PARP1: variants seen among roughly 807,000 people sequenced by gnomAD.
PARP1 encodes the protein poly [ADP-ribose] polymerase 1.
Under a neutral mutation model 118.7 loss-of-function variants are expected in PARP1, and 44 were observed. That is an observed-to-expected ratio of 0.37 (90% CI 0.29 to 0.48). The LOEUF (loss-of-function observed/expected upper bound fraction) is 0.48. Ranked by LOEUF, PARP1 falls within the 20% of genes least tolerant of loss-of-function variation. PARP1 has a pLI of 0.99. For missense variants in PARP1, 1,100 were observed against 1,272.4 expected (o/e 0.86, Z 2.06); for synonymous variants, 492 against 483.2 (o/e 1.02, Z -0.24).
chr1:226,403,608 C>CT (rs1376928389), intron 1 of PARP1, among the ~76,000 whole-genome samples: 3 of 152,218 alleles, frequency 2.0e-5, no homozygotes, highest in African/African-American at 4.8e-5. Context: ...GGAACCAGCC[C>CT]TTTCATTCAC....
At chr1:226,400,600 C>T (rs958801556) in intron 2 of PARP1, among the ~76,000 whole-genome samples, 1 of 152,218 alleles carries the variant, frequency 6.6e-6, no homozygotes, top group Non-Finnish European at 1.5e-5. Flanking sequence ...GGCATACCCA[C>T]CCTGTAGTGA....
chr1:226,407,513 A>C (rs549899986), intron 1 of PARP1, among the ~76,000 whole-genome samples: 70 of 152,286 alleles, frequency 4.6e-4, no homozygotes, highest in African/African-American at 1.5e-3. Flanking sequence ...AACGGCAGTA[A>C]TAAAACACCG....
rs1028945092 is a variant in PARP1, at chr1:226,388,583, A to G, written c.717+73T>C. On this transcript the variant is annotated intron_variant, in intron 5 of 22. Transcript: ENST00000366794. Reference sequence around the variant, plus strand: ...TAATAAGTGGGACACAACTCCTTGAATTGTCTTCCCAGAATGAGAAAGAGA... The same window carrying G: ...TAATAAGTGGGACACAACTCCTTGAGTTGTCTTCCCAGAATGAGAAAGAGA... 1.7e-5 allele frequency: 18 copies of G among 1,069,968 alleles called. No individual in the cohort carries two copies. In the African/African-American group the frequency reaches 2.6e-4, roughly 16 times the overall value. 66.3% of individuals were successfully genotyped at this position (1,069,968 alleles called of 1,614,324 possible).
intron 14 of PARP1, 33 bp downstream of exon 14, chr1:226,374,193 A>G (rs778314894): frequency 3.7e-6 from 6 of 1,611,956 alleles, no homozygotes; most frequent in Non-Finnish European, 5.1e-6. Flanking sequence ...TCCACAGCAA[A>G]TGCTCACAGA....
chr1:226,384,285 A>G (rs1044772942), intron 7 of PARP1, among the ~76,000 whole-genome samples: 1 of 152,150 alleles, frequency 6.6e-6, no homozygotes. Context: ...TGTGAGAAGG[A>G]AGAAAAGGGT....
intron 7 of PARP1, among the ~76,000 whole-genome samples, chr1:226,384,861 G>A (rs970954023): frequency 6.6e-6 from 1 of 152,216 alleles, no homozygotes; most frequent in South Asian, 2.1e-4. Context: ...GCAACAGCGA[G>A]GGAAGCAGCT....
At chr1:226,376,195 C>A (rs1445481655) in intron 13 of PARP1, among the ~76,000 whole-genome samples, 8 of 152,188 alleles carry the variant, frequency 5.3e-5, no homozygotes, top group African/African-American at 1.7e-4. Flanking sequence ...GAATTAAAAT[C>A]TCTACCCACC....
intron 15 of PARP1, among the ~76,000 whole-genome samples, chr1:226,369,724 G>A (rs1031693597): frequency 3.3e-5 from 5 of 152,146 alleles, no homozygotes; most frequent in Non-Finnish European, 7.3e-5. Flanking sequence ...GGAGGCTGAG[G>A]CAGGCGGATC....
intron 1 of PARP1, among the ~76,000 whole-genome samples, chr1:226,403,496 C>T (rs920119703): frequency 4.6e-5 from 7 of 152,188 alleles, no homozygotes; most frequent in Non-Finnish European, 1.0e-4. Flanking sequence ...ACAGAGTGGA[C>T]GGTGACAGCG....
At chr1:226,406,250 G>T (rs1445928014) in intron 1 of PARP1, among the ~76,000 whole-genome samples, 1 of 152,118 alleles carries the variant, frequency 6.6e-6, no homozygotes, top group Non-Finnish European at 1.5e-5. Context: ...ATTTTATCTA[G>T]AGGTTAGTGG....
At chr1:226,390,712 G>A in intron 3 of PARP1, 88 bp from the exon 4 acceptor site, 14 of 1,273,118 alleles carry the variant, frequency 1.1e-5, no homozygotes, top group Non-Finnish European at 1.6e-5. Context: ...AGCCAGTGAG[G>A]AGCTGAGGGT....
chr1:226,363,820 A>T, intron 20 of PARP1, 123 bp downstream of exon 20: 1 of 995,926 alleles, frequency 1.0e-6, no homozygotes, highest in Non-Finnish European at 1.6e-6. Context: ...AAAGAATCCT[A>T]ATTGGTGCGT....
intron 21 of PARP1, among the ~76,000 whole-genome samples, chr1:226,362,698 C>T (rs1387471082): frequency 6.6e-6 from 1 of 152,196 alleles, no homozygotes; most frequent in Admixed American, 6.5e-5. Context: ...AGAGGTCCCT[C>T]ACTGCTGTAG....
At position 226,377,206 on chromosome 1, in the gene PARP1, T is replaced by C. The variant is rs376654709; in HGVS notation, c.1843A>G (p.Met615Val). ...CCGGTTTTTTCTTCATATAATTTCA[T>C]GAAGTGCTCAATGGCATCCTCCTTG... ...PSKEDAIEHF[M>V]KLYEEKTGNA... Residue 615 changes from methionine (M) to valine (V), a missense_variant, in exon 13 of 23, where the codon ATG becomes GTG. Met to Val is a conservative substitution (Grantham distance 21, BLOSUM62 1). Transcript: ENST00000366794. 5.5e-5 allele frequency: 88 copies of C among 1,614,058 alleles called. No individual in the cohort carries two copies. The highest frequency in any genetic ancestry group is 5.9e-5 in the Non-Finnish European group (70 of 1,180,008).
intron 6 of PARP1, 81 bp from the exon 7 acceptor site, chr1:226,385,761 T>C (rs1576398158): frequency 8.0e-7 from 1 of 1,252,902 alleles, no homozygotes; most frequent in East Asian, 2.3e-5. Flanking sequence ...ATGGAGGAAC[T>C]TGCACAGATT....
In PARP1 at chr1:226,361,391, G is replaced by C. The variant is rs1486088790; in HGVS notation, c.*69C>G. 4.0e-6 allele frequency: 4 copies of C among 995,504 alleles called. No homozygotes were observed. Among genetic ancestry groups the C allele is most frequent in the Non-Finnish European group, 6.4e-6 (4 of 624,198 alleles). 61.7% of individuals were successfully genotyped at this position (995,504 alleles called of 1,614,324 possible). ...CATCAGCAACTTAGCGGCCAGGTGA[G>C]TTGGTGCAGAAGCGCTTCGGGTGAA... is the stretch of plus-strand genomic sequence containing the variant. On this transcript the variant is annotated 3_prime_UTR_variant, in exon 23 of 23. Coordinates refer to ENST00000366794, the MANE Select transcript of PARP1 (RefSeq NM_001618.4).
intron 17 of PARP1, chr1:226,366,926 G>C (rs1373108314): frequency 1.1e-5 from 2 of 184,560 alleles, no homozygotes; most frequent in Non-Finnish European, 2.3e-5. Flanking sequence ...CTCAAGGACC[G>C]GGCCATCTAG....
chr1:226,385,079 G>A (rs1419324365), intron 7 of PARP1, among the ~76,000 whole-genome samples: 1 of 152,104 alleles, frequency 6.6e-6, no homozygotes, highest in Non-Finnish European at 1.5e-5. Flanking sequence ...GAGAACGTGC[G>A]ATACTAGGAG....
rs1237817904 is a variant in PARP1, at chr1:226,380,090, G to C, written c.1375C>G (p.Leu459Val). ...TTGGTGGAGGCGGAGACGTCCTGGA[G>C]GAAGTCCTCAGACACAACTCGGATG... is the stretch of plus-strand genomic sequence containing the variant. Reference protein sequence around the residue: ...ANIRVVSEDFLQDVSASTKSL... With the variant: ...ANIRVVSEDFVQDVSASTKSL... Residue 459 changes from leucine to valine, a missense_variant, in exon 10 of 23, where the codon CTC (leucine) becomes GTC (valine). Transcript: ENST00000366794. The C allele has an allele frequency of 6.2e-7, 1 of 1,614,066 alleles. No homozygotes were observed. The highest frequency in any genetic ancestry group is 2.2e-5 in the East Asian group (1 of 44,894).
Sources: allele counts gnomAD v4.1 joint callset (sites outside exome capture counted in the v4.1 genomes callset), GRCh38; gene constraint gnomAD v4.1.1; transcripts MANE v1.5; gene names NCBI Gene and HGNC (gene_info 2026-07-23, HGNC 2026-07-21).